The following XRRA1 variants were observed in gnomAD, a reference collection of about 807,000 sequenced individuals.
XRRA1 encodes the protein X-ray radiation resistance associated 1, also known as X-ray radiation resistance-associated protein 1.
A neutral mutation model predicts 80.2 loss-of-function variants in XRRA1; 69 were observed. The observed-to-expected ratio is 0.86, with a 90% CI of 0.71 to 1.05. XRRA1 has a LOEUF of 1.05. Ranked by LOEUF, XRRA1 falls within the 50% of genes least tolerant of loss-of-function variation. XRRA1 has a pLI of 0.00. For synonymous variants in XRRA1, 348 were observed against 389.9 expected (o/e 0.89, Z 1.27); for missense variants, 967 against 976.4 (o/e 0.99, Z 0.13).
chr11:74,880,993 C>T (rs1250443863), intron 10 of XRRA1, among the ~76,000 whole-genome samples: 7 of 146,352 alleles, frequency 4.8e-5, no homozygotes, highest in African/African-American at 1.8e-4. Flanking sequence ...TGGTGCAGAG[C>T]TGAGTTCAAT....
chr11:74,924,250 C>T (rs1336562140), intron 7 of XRRA1, among the ~76,000 whole-genome samples: 1 of 150,440 alleles, frequency 6.6e-6, no homozygotes, highest in African/African-American at 2.4e-5. Flanking sequence ...CCGAGACGGG[C>T]AGATCACGAG....
At chr11:74,850,427 C>T (rs535151946) in intron 14 of XRRA1, among the ~76,000 whole-genome samples, 1 of 152,240 alleles carries the variant, frequency 6.6e-6, no homozygotes, top group Non-Finnish European at 1.5e-5. Flanking sequence ...GGACGTCAGA[C>T]AAGAGCCTGG....
intron 10 of XRRA1, among the ~76,000 whole-genome samples, chr11:74,897,367 C>T (rs112372409): frequency 0.011 from 1,598 of 151,932 alleles, 32 homozygotes; most frequent in African/African-American, 0.034. Flanking sequence ...CTACCAGATC[C>T]AGAAAATAGC....
chr11:74,908,400 C>T (rs1439969128), intron 8 of XRRA1, among the ~76,000 whole-genome samples: 1 of 152,134 alleles, frequency 6.6e-6, no homozygotes, highest in African/African-American at 2.4e-5. Flanking sequence ...CTACTAGCCC[C>T]ATGTGGATTA....
intron 1 of XRRA1, among the ~76,000 whole-genome samples, chr11:74,946,506 C>T (rs2140115020): frequency 6.6e-6 from 1 of 152,292 alleles, no homozygotes; most frequent in South Asian, 2.1e-4. Context: ...TTGCCTCTTC[C>T]CTTTCCGCCA....
At chr11:74,862,385 C>G (rs2042489094) in intron 11 of XRRA1, among the ~76,000 whole-genome samples, 1 of 152,216 alleles carries the variant, frequency 6.6e-6, no homozygotes. Flanking sequence ...AGGTTGTATA[C>G]TGAGCTGCCT....
Position 74,930,351 on chromosome 11 carries a change from G to A in XRRA1, c.373C>T (p.His125Tyr), listed in dbSNP as rs1591518558. The A allele has an allele frequency of 6.4e-7, 1 of 1,564,628 alleles. No individual in the cohort carries two copies. Among genetic ancestry groups the A allele is most frequent in the East Asian group, 2.3e-5 (1 of 42,660 alleles). ...FSKAKENDFK[H>Y]FHSVIYINAS... ...TTGATATAAATCACAGAATGAAAAT[G>A]CTTGAAGTCATTTTCCTTGGCCTGT... Residue 125 changes from histidine to tyrosine, a missense_variant, in exon 6 of 19, where the codon CAT (histidine) becomes TAT (tyrosine). By Grantham distance (83) the His-to-Tyr change is moderately conservative. Transcript: ENST00000684022.
intron 1 of XRRA1, among the ~76,000 whole-genome samples, chr11:74,947,979 C>T (rs1400605907): frequency 6.6e-6 from 1 of 152,054 alleles, no homozygotes; most frequent in African/African-American, 2.4e-5. Context: ...CCTGCCTTGG[C>T]GGGGATTACA....
chr11:74,841,773 T>C lies in XRRA1; in HGVS notation c.*1427A>G, dbSNP rs1446994486. On this transcript the variant is annotated 3_prime_UTR_variant, in exon 19 of 19. Transcript: ENST00000684022. The stretch of plus-strand genomic sequence containing the variant: ...ACAGGCAATGAACTCGCTCTTCAAA[T>C]ACCATAGTTCAAGAGTAGCTGTTGG... The C allele has an allele frequency of 6.6e-6, 1 of 152,200 alleles. No individual in the cohort carries two copies. Among genetic ancestry groups the C allele is most frequent in the Non-Finnish European group, 1.5e-5 (1 of 68,038 alleles). The allele number at this position is 152,200 out of a possible 1,614,324, so 9.4% of individuals were successfully genotyped here.
chr11:74,903,499 C>G (rs552587661), intron 10 of XRRA1, among the ~76,000 whole-genome samples: 1 of 152,106 alleles, frequency 6.6e-6, no homozygotes. Flanking sequence ...GTCAGGAGAT[C>G]GAGACCATCC....
intron 8 of XRRA1, chr11:74,909,746 CT>C (rs2138342303): frequency 6.6e-6 from 1 of 152,276 alleles, no homozygotes; most frequent in African/African-American, 2.4e-5. Flanking sequence ...GGGTTTCCAG[CT>C]GTTCAGAGTG....
intron 3 of XRRA1, among the ~76,000 whole-genome samples, chr11:74,940,483 C>A (rs751006833): frequency 2.2e-4 from 34 of 152,298 alleles, no homozygotes; most frequent in Admixed American, 1.5e-3. Flanking sequence ...GAAAAGCAAG[C>A]ACCGTGGAAC....
chr11:74,907,010 C>T (rs541020190), intron 9 of XRRA1, 135 bp downstream of exon 9: 510 of 1,233,130 alleles, frequency 4.1e-4, no homozygotes, highest in Non-Finnish European at 5.6e-4. Context: ...AATGACTTAC[C>T]CATGGCCACA....
At chr11:74,910,373 G>T (rs572514971) in intron 8 of XRRA1, among the ~76,000 whole-genome samples, 6 of 152,342 alleles carry the variant, frequency 3.9e-5, no homozygotes, top group African/African-American at 1.2e-4. Context: ...ACGCCGACTT[G>T]TATGGTCTGA....
intron 9 of XRRA1, chr11:74,906,840 T>A: frequency 2.5e-6 from 1 of 396,784 alleles, no homozygotes; most frequent in Non-Finnish European, 4.5e-6. Context: ...CTCAATATTT[T>A]AAAAAATTTT....
At chr11:74,857,536 AAC>A (rs1423924603) in intron 12 of XRRA1, among the ~76,000 whole-genome samples, 1 of 152,244 alleles carries the variant, frequency 6.6e-6, no homozygotes, top group African/African-American at 2.4e-5. Flanking sequence ...TGGAGATTTT[AAC>A]ACACTGCTCT....
At chr11:74,925,817 A>G (rs903682848) in intron 7 of XRRA1, among the ~76,000 whole-genome samples, 1 of 152,190 alleles carries the variant, frequency 6.6e-6, no homozygotes, top group African/African-American at 2.4e-5. Context: ...TTGAAATGGT[A>G]GGGGAAGAAG....
At position 74,843,437 on chromosome 11, in the gene XRRA1, CT is replaced by C. The variant is rs950905879; in HGVS notation, c.2165del (p.Gln722ArgfsTer8). ...GGTTCACCAGCCGCCGTTCTGTCCA[CT>C]GGTGCAGGACAGCACCTGCAGGAAA... is the stretch of plus-strand genomic sequence containing the variant. ...TEAPLGAVLH[Q>X]WTERRLVNHK... On this transcript the variant is annotated frameshift_variant, in exon 19 of 19. Transcript: ENST00000684022. LOFTEE classifies it high-confidence loss of function. 1 of 1,612,326 alleles carries C rather than the reference CT, an allele frequency of 6.2e-7. No homozygotes were observed. Among genetic ancestry groups the C allele is most frequent in the Non-Finnish European group, 8.5e-7 (1 of 1,179,336 alleles).
chr11:74,869,120 T>C (rs1451133195), intron 10 of XRRA1, among the ~76,000 whole-genome samples: 2 of 150,622 alleles, frequency 1.3e-5, no homozygotes, highest in Non-Finnish European at 3.0e-5. Context: ...TCAGTACAAT[T>C]TTAAAAAAAA....
Sources: gnomAD v4.1 joint callset for allele counts (sites outside exome capture counted in the v4.1 genomes callset) on GRCh38, gnomAD v4.1.1 for gene constraint, MANE v1.5 for transcripts, NCBI Gene and HGNC (gene_info 2026-07-23, HGNC 2026-07-21) for gene names.